PGD: variants seen among roughly 807,000 people sequenced by gnomAD.
PGD encodes the protein phosphogluconate dehydrogenase.
In PGD, 21 loss-of-function variants were observed where a neutral mutation model predicts 60.4. The observed-to-expected ratio is 0.35, with a 90% confidence interval of 0.25 to 0.50. The LOEUF (loss-of-function observed/expected upper bound fraction) is 0.50. Ranked by LOEUF, PGD falls within the 20% of genes least tolerant of loss-of-function variation. PGD has a pLI of 0.98. For missense variants in PGD, 477 were observed against 613.1 expected (o/e 0.78, Z 2.34); for synonymous variants, 230 against 235.9 (o/e 0.97, Z 0.23).
intron 2 of PGD, 103 bp downstream of exon 2, chr1:10,399,807 A>G (rs1639284324): frequency 2.0e-6 from 2 of 990,212 alleles, no homozygotes; most frequent in Non-Finnish European, 3.2e-6. Flanking sequence ...GTGCTTTGCT[A>G]ATGTGCTCTG....
intron 5 of PGD, among the ~76,000 whole-genome samples, chr1:10,405,812 G>C (rs961241976): frequency 1.3e-5 from 2 of 151,674 alleles, no homozygotes; most frequent in African/African-American, 4.8e-5. Context: ...CTCCATCATG[G>C]GTGACAGAGC....
intron 8 of PGD, chr1:10,415,392 TGTAA>T (rs1326152665): frequency 6.6e-6 from 1 of 152,174 alleles, no homozygotes; most frequent in African/African-American, 2.4e-5. Flanking sequence ...CAAGTATATG[TGTAA>T]GTATTAGGAT....
chr1:10,414,138 A>G (rs1639554190), intron 8 of PGD, among the ~76,000 whole-genome samples: 1 of 152,186 alleles, frequency 6.6e-6, no homozygotes, highest in Non-Finnish European at 1.5e-5. Context: ...GATATTAAAA[A>G]GATAAAAATT....
At chr1:10,415,178 A>ACT (rs1169114106) in intron 8 of PGD, 2 of 150,764 alleles carry the variant, frequency 1.3e-5, no homozygotes, top group Non-Finnish European at 3.0e-5. Flanking sequence ...CTCTCCCTTG[A>ACT]CTCTTCTCCC....
intron 1 of PGD, 30 bp from the exon 2 acceptor site, chr1:10,399,599 C>A (rs149591680): frequency 6.2e-7 from 1 of 1,606,714 alleles, no homozygotes; most frequent in East Asian, 2.2e-5. Context: ...GGTGCTGACT[C>A]TTTCCTTTGT....
chr1:10,415,407 C>G (rs564953388), intron 8 of PGD: 21 of 152,316 alleles, frequency 1.4e-4, no homozygotes, highest in African/African-American at 4.8e-4. Flanking sequence ...GTATTAGGAT[C>G]TCAGAATCCT....
rs1409102529 is a variant in PGD at position 10,419,536 on chromosome 1, C to G, written c.1329C>G (p.Ile443Met). ...YRHEMLPASL[I>M]QAQRDYFGAH... ...ATGAGATGCTTCCAGCCAGCCTCAT[C>G]CAGGTAAGCCTGTGGAGCAGGGATT... Residue 443 changes from isoleucine (I) to methionine (M), a missense_variant, in exon 12 of 13, where the codon ATC (isoleucine) becomes ATG (methionine). By Grantham distance (10) the Ile-to-Met change is conservative. Coordinates refer to ENST00000270776, the MANE Select transcript of PGD (RefSeq NM_002631.4). The G allele has an allele frequency of 6.2e-7, 1 of 1,614,184 alleles. No homozygotes were observed. Among genetic ancestry groups the G allele is most frequent in the Non-Finnish European group, 8.5e-7 (1 of 1,180,022 alleles).
intron 6 of PGD, among the ~76,000 whole-genome samples, chr1:10,410,564 G>A (rs899731067): frequency 6.6e-6 from 1 of 152,136 alleles, no homozygotes; most frequent in Non-Finnish European, 1.5e-5. Context: ...TGGCCTCCTG[G>A]GCAGGTGTGT....
At chr1:10,413,669 G>A (rs1300061974) in intron 8 of PGD, among the ~76,000 whole-genome samples, 1 of 152,156 alleles carries the variant, frequency 6.6e-6, no homozygotes. Context: ...ACTTTGGGAG[G>A]CCGAGGCGGG....
At chr1:10,416,632 TA>T (rs1306700362) in intron 8 of PGD, among the ~76,000 whole-genome samples, 7 of 152,084 alleles carry the variant, frequency 4.6e-5, no homozygotes, top group Admixed American at 3.3e-4. Context: ...CGAAGGGAGA[TA>T]GGGGTGGGGC....
At chr1:10,400,708 T>G in intron 3 of PGD, 136 bp downstream of exon 3, 1 of 658,398 alleles carries the variant, frequency 1.5e-6, no homozygotes, top group East Asian at 2.8e-5. Context: ...ATTGCTTAAC[T>G]GTTGCAGTGT....
At chr1:10,402,208 A>G (rs1027948010) in intron 3 of PGD, among the ~76,000 whole-genome samples, 1 of 152,044 alleles carries the variant, frequency 6.6e-6, no homozygotes, top group African/African-American at 2.4e-5. Flanking sequence ...ACTCTCTTCT[A>G]GACACATTAT....
At chr1:10,402,138 G>C (rs1334274655) in intron 3 of PGD, among the ~76,000 whole-genome samples, 2 of 152,176 alleles carry the variant, frequency 1.3e-5, no homozygotes, top group African/African-American at 2.4e-5. Context: ...CCTCCGAACT[G>C]TTGTCATAAA....
rs1475477015 is a variant in PGD at position 10,420,302 on chromosome 1, A to AG, written c.*557dup. On this transcript the variant is annotated 3_prime_UTR_variant, in exon 13 of 13. Coordinates refer to ENST00000270776, the MANE Select transcript of PGD (RefSeq NM_002631.4). ...AGGAGGCAGGCAGGGAGGACACACCAGGGGCTTTAATACACTGGGCATGTT... is the reference window on the plus strand; with the variant it reads ...AGGAGGCAGGCAGGGAGGACACACCAGGGGGCTTTAATACACTGGGCATGTT... 1.3e-5 allele frequency among the ~76,000 whole-genome samples: 2 copies of AG among 151,228 alleles called. No homozygotes were observed. Among genetic ancestry groups the AG allele is most frequent in the East Asian group, 3.9e-4 (2 of 5,160 alleles).
chr1:10,406,418 C>G (rs2102389630), intron 5 of PGD, among the ~76,000 whole-genome samples: 1 of 152,172 alleles, frequency 6.6e-6, no homozygotes, highest in South Asian at 2.1e-4. Flanking sequence ...AAATACTTAT[C>G]TCGAAGCACC....
Position 10,411,563 on chromosome 1 carries a change from G to C in PGD, c.654+11G>C, listed in dbSNP as rs144161069. ...GACGAGATGGCCCAGGTGAGGCCCC[G>C]GCACTGCCTCTGTGTCCGTTCTGCA... On this transcript the variant is annotated intron_variant, in intron 7 of 12. Coordinates refer to ENST00000270776, the MANE Select transcript of PGD (RefSeq NM_002631.4). 1.2e-6 allele frequency: 2 copies of C among 1,613,716 alleles called. No individual in the cohort carries two copies. Among genetic ancestry groups the C allele is most frequent in the South Asian group, 2.2e-5 (2 of 91,072 alleles).
At chr1:10,410,618 A>G (rs180956109) in intron 6 of PGD, among the ~76,000 whole-genome samples, 18 of 152,188 alleles carry the variant, frequency 1.2e-4, no homozygotes, top group Admixed American at 2.0e-4. Context: ...GTTTGATGCC[A>G]TGAACTGTTT....
chr1:10,411,662 A>G lies in PGD; in HGVS notation c.654+110A>G, dbSNP rs1001474530. ...CCCCTTGGCCATTCGGGTGGCCTGC[A>G]TGGACTCAGCCTAATTTGAGGGAAA... is the stretch of plus-strand genomic sequence containing the variant. On this transcript the variant is annotated intron_variant, in intron 7 of 12. Coordinates refer to ENST00000270776, the MANE Select transcript of PGD (RefSeq NM_002631.4). The G allele has an allele frequency of 3.2e-6, 4 of 1,240,606 alleles. No individual in the cohort carries two copies. In the Admixed American group the frequency reaches 6.0e-5, roughly 18 times the overall value. 76.8% of individuals were successfully genotyped at this position (1,240,606 alleles called of 1,614,324 possible). A position where few individuals can be genotyped will look rare whatever the true frequency, so the allele number is the denominator to read the frequency against.
chr1:10,413,299 T>C, intron 8 of PGD, 48 bp downstream of exon 8: 1 of 1,527,024 alleles, frequency 6.5e-7, no homozygotes, highest in Non-Finnish European at 9.0e-7. Flanking sequence ...TATTCTGATC[T>C]TGATGTCTGG....
Sources: allele counts gnomAD v4.1 joint callset (sites outside exome capture counted in the v4.1 genomes callset), GRCh38; gene constraint gnomAD v4.1.1; transcripts MANE v1.5; gene names NCBI Gene and HGNC (gene_info 2026-07-23, HGNC 2026-07-21).